Variants in NMNAT3 observed in about 807,000 individuals in gnomAD.
NMNAT3 encodes nicotinamide nucleotide adenylyltransferase 3.
Under a neutral mutation model 24.8 loss-of-function variants are expected in NMNAT3, and 21 were observed. The ratio of observed to expected loss-of-function variants is 0.85; its 90% CI spans 0.60 to 1.22. NMNAT3 has a LOEUF of 1.22. Among genes scored for constraint, NMNAT3 ranks in the 50% most tolerant of loss-of-function variants. The pLI is 0.00. For missense variants in NMNAT3, 387 were observed against 436.6 expected, an observed-to-expected ratio of 0.89 and a Z score of 1.01; for synonymous variants, 136 against 155.2, an observed-to-expected ratio of 0.88 and a Z score of 0.92.
chr3:139,581,897 T>TA (rs1323280325), intron 4 of NMNAT3, among the ~76,000 whole-genome samples: 1 of 151,734 alleles, frequency 6.6e-6, no homozygotes, highest in Non-Finnish European at 1.5e-5. Context: ...AAGTTATTTT[T>TA]AAAAACTGTA....
intron 3 of NMNAT3, among the ~76,000 whole-genome samples, chr3:139,586,878 G>A (rs1416236970): frequency 1.3e-5 from 2 of 152,166 alleles, no homozygotes; most frequent in African/African-American, 2.4e-5. Flanking sequence ...TGGGCAGAAG[G>A]GCAGAGAAAA....
At chr3:139,592,279 A>G (rs2054230247) in intron 3 of NMNAT3, among the ~76,000 whole-genome samples, 1 of 152,204 alleles carries the variant, frequency 6.6e-6, no homozygotes, top group Admixed American at 6.5e-5. Flanking sequence ...AAAAAGAATA[A>G]AAAGAAATGA....
At chr3:139,625,071 CCT>C (rs1435897613) in intron 3 of NMNAT3, among the ~76,000 whole-genome samples, 1 of 152,202 alleles carries the variant, frequency 6.6e-6, no homozygotes, top group East Asian at 1.9e-4. Flanking sequence ...AGAATTAACC[CCT>C]TTGTGATTAT....
At chr3:139,593,800 A>G (rs533750654) in intron 3 of NMNAT3, among the ~76,000 whole-genome samples, 3,371 of 147,542 alleles carry the variant, frequency 0.023, 146 homozygotes, top group African/African-American at 0.08. Context: ...TCTCTGGGAC[A>G]CATTCAAAGC....
intron 1 of NMNAT3, among the ~76,000 whole-genome samples, chr3:139,660,575 TGGAGTTTTATCTGAA>T (rs1008495220): frequency 1.2e-4 from 19 of 152,190 alleles, no homozygotes; most frequent in African/African-American, 4.6e-4. Flanking sequence ...AGGAAAGAAA[TGGAGTTTTATCTGAA>T]GGATAACATT....
intron 3 of NMNAT3, among the ~76,000 whole-genome samples, chr3:139,618,397 A>T (rs1321875543): frequency 6.6e-6 from 1 of 152,234 alleles, no homozygotes; most frequent in African/African-American, 2.4e-5. Context: ...TTTTAAGGTT[A>T]TGTTGTTATT....
At chr3:139,659,222 G>C (rs2057339786) in intron 1 of NMNAT3, among the ~76,000 whole-genome samples, 1 of 152,174 alleles carries the variant, frequency 6.6e-6, no homozygotes, top group Admixed American at 6.5e-5. Flanking sequence ...AGGCTATTCT[G>C]TAACACAGTT....
rs890620007 is a variant in NMNAT3, at chr3:139,610,942, A to G, written c.109+16674T>C. On this transcript the variant is annotated intron_variant, in intron 3 of 6. Coordinates refer to ENST00000643695, the MANE Select transcript of NMNAT3 (RefSeq NM_001320510.2). ...TGGTGTAAATGATATTACAATAAATATACTTCAATTTAAAATGCAAGTCAC... is the reference window on the plus strand; with the variant it reads ...TGGTGTAAATGATATTACAATAAATGTACTTCAATTTAAAATGCAAGTCAC... Among the ~76,000 whole-genome samples, 9 of 152,342 alleles carry G rather than the reference A, an allele frequency of 5.9e-5. No individual in the cohort carries two copies. The East Asian group carries it at 1.7e-3, about 29-fold the overall frequency.
intron 6 of NMNAT3, chr3:139,570,562 G>C (rs1056381469): frequency 6.6e-6 from 1 of 152,316 alleles, no homozygotes; most frequent in African/African-American, 2.4e-5. Context: ...CCTTCTAACA[G>C]ACAGGACCCT....
At chr3:139,632,117 C>G (rs2056325187) in intron 2 of NMNAT3, among the ~76,000 whole-genome samples, 1 of 151,950 alleles carries the variant, frequency 6.6e-6, no homozygotes, top group Admixed American at 6.6e-5. Context: ...TGCCTGGCAC[C>G]AATAGGTACT....
intron 1 of NMNAT3, among the ~76,000 whole-genome samples, chr3:139,642,162 G>A (rs940167177): frequency 6.6e-6 from 1 of 152,182 alleles, no homozygotes; most frequent in Non-Finnish European, 1.5e-5. Flanking sequence ...AAGGCCTAGA[G>A]AACTATATTA....
intron 3 of NMNAT3, among the ~76,000 whole-genome samples, chr3:139,598,499 C>T (rs1319884489): frequency 6.6e-6 from 1 of 152,098 alleles, no homozygotes; most frequent in Non-Finnish European, 1.5e-5. Flanking sequence ...CATGCATGTG[C>T]TGTAGTCAAT....
chr3:139,583,091 T>C lies in NMNAT3; in HGVS notation c.227A>G (p.Asn76Ser), dbSNP rs2053741391. 11 of 1,580,902 alleles carry C rather than the reference T, an allele frequency of 7.0e-6. No homozygotes were observed. The highest frequency in any genetic ancestry group is 9.5e-6 in the Non-Finnish European group (11 of 1,153,102). ...AAAAGATGACTTGTCAGGGTCATCA[T>C]TTTTGCTGCTAACATTATTTTGAAT... The change falls in exon 4 of 7, where the codon AAT becomes AGT. Residue 76 changes from asparagine to serine, a missense_variant. Around this residue, in one of 3 missense-constraint regions of NMNAT3, gnomAD observed 323 missense variants for 345.2 expected, o/e 0.94. Transcript: ENST00000643695.
chr3:139,671,801 G>A (rs1254898385), intron 1 of NMNAT3, among the ~76,000 whole-genome samples: 1 of 152,186 alleles, frequency 6.6e-6, no homozygotes, highest in Non-Finnish European at 1.5e-5. Flanking sequence ...ATAATTCCAA[G>A]TTAGACTCCT....
At chr3:139,631,267 C>CA (rs1420946839) in intron 2 of NMNAT3, among the ~76,000 whole-genome samples, 1 of 152,068 alleles carries the variant, frequency 6.6e-6, no homozygotes, top group African/African-American at 2.4e-5. Context: ...TGTGTACACT[C>CA]AAATTTGCTT....
chr3:139,672,497 A>C (rs1051213586), intron 1 of NMNAT3: 5 of 152,180 alleles, frequency 3.3e-5, no homozygotes, highest in Admixed American at 6.5e-5. Context: ...TTCCAGAACC[A>C]CTTCTTTTCT....
intron 1 of NMNAT3, chr3:139,672,725 G>A (rs2108461262): frequency 6.6e-6 from 1 of 152,336 alleles, no homozygotes; most frequent in Non-Finnish European, 1.5e-5. Flanking sequence ...GGTAGGGATT[G>A]GAGATGTATT....
At chr3:139,661,504 C>T (rs1252335890) in intron 1 of NMNAT3, among the ~76,000 whole-genome samples, 1 of 152,132 alleles carries the variant, frequency 6.6e-6, no homozygotes, top group East Asian at 1.9e-4. Context: ...CCTATCTCTA[C>T]AGGAAATTTT....
intron 1 of NMNAT3, among the ~76,000 whole-genome samples, chr3:139,667,256 C>T (rs2108444860): frequency 6.6e-6 from 1 of 152,210 alleles, no homozygotes; most frequent in Middle Eastern, 3.4e-3. Context: ...TTTCTTCATC[C>T]TTGCCAGCAT....
Sources: allele counts gnomAD v4.1 joint callset (sites outside exome capture counted in the v4.1 genomes callset), GRCh38; gene constraint gnomAD v4.1.1; regional missense constraint gnomAD v4.1.1; transcripts MANE v1.5; gene names NCBI Gene and HGNC (gene_info 2026-07-23, HGNC 2026-07-21).